SLFN13: variants seen among roughly 807,000 people sequenced by gnomAD.
SLFN13 encodes the protein schlafen family member 13.
SLFN13 carries 43 observed loss-of-function variants against 50.6 expected under a neutral mutation model. That is an observed-to-expected ratio of 0.85 (90% CI 0.67 to 1.09). The LOEUF is 1.09. Ranked by LOEUF, SLFN13 falls within the 50% of genes least tolerant of loss-of-function variation. The pLI, the probability that SLFN13 is intolerant of heterozygous loss-of-function variation, is 0.00. For missense variants in SLFN13, 881 were observed against 1,071.1 expected (o/e 0.82, Z 2.48); for synonymous variants, 339 against 386.5 (o/e 0.88, Z 1.44).
intron 4 of SLFN13, among the ~76,000 whole-genome samples, chr17:35,443,274 G>C (rs1913018815): frequency 1.3e-5 from 2 of 152,114 alleles, no homozygotes. Context: ...GCATTAGCGA[G>C]TCGTTCCCTC....
rs775788050 is a variant in SLFN13 at position 35,438,906 on chromosome 17, G to A, written c.*1689C>T. 6.6e-6 allele frequency: 1 copy of A among 152,106 alleles called. No individual in the cohort carries two copies. Among genetic ancestry groups the A allele is most frequent in the African/African-American group, 2.4e-5 (1 of 41,426 alleles). 9.4% of individuals were successfully genotyped at this position (152,106 alleles called of 1,614,324 possible). On this transcript the variant is annotated 3_prime_UTR_variant, in exon 6 of 6. Coordinates refer to ENST00000285013, the MANE Select transcript of SLFN13 (RefSeq NM_144682.6). The stretch of plus-strand genomic sequence containing the variant: ...TAAGTAATTGCATTAGCATTGTTAA[G>A]TATCAGTGTTTTTAGTTTGATGAAT...
At chr17:35,447,577 C>A (rs1159535050) in intron 1 of SLFN13, among the ~76,000 whole-genome samples, 163 bp from the exon 2 acceptor site, 1 of 152,166 alleles carries the variant, frequency 6.6e-6, no homozygotes, top group Non-Finnish European at 1.5e-5. Flanking sequence ...CACAGGTATA[C>A]TGTAGGTAAA....
intron 4 of SLFN13, among the ~76,000 whole-genome samples, chr17:35,442,864 G>A (rs11652532): frequency 0.21 from 32,691 of 152,116 alleles, 4,139 homozygotes; most frequent in East Asian, 0.41. Context: ...GCCTGAGAAA[G>A]TGAAAGCCAT....
chr17:35,441,354 G>C lies in SLFN13; in HGVS notation c.1935C>G (p.Ile645Met). 6.2e-7 allele frequency: 1 copy of C among 1,602,834 alleles called. No individual in the cohort carries two copies. The highest frequency in any genetic ancestry group is 8.5e-7 in the Non-Finnish European group (1 of 1,176,420). The change falls in exon 6 of 6, where the codon ATC becomes ATG. Residue 645 changes from isoleucine to methionine, a missense_variant. Ile to Met is a conservative substitution (Grantham distance 10). Around this residue, in one of 5 missense-constraint regions of SLFN13, gnomAD observed 322 missense variants for 327.4 expected, o/e 0.98. Transcript: ENST00000285013. ...AAGTTTCCCGGGTCTCTGCTCGGCA[G>C]ATATTTCTATCACTGTAAAAATTAA... is the stretch of plus-strand genomic sequence containing the variant. The part of the protein sequence containing the change: ...PLRNFISDRN[I>M]CRAETRETFL...
Position 35,440,913 on chromosome 17 carries a change from C to T in SLFN13, c.2376G>A (p.Val792=). The T allele has an allele frequency of 6.2e-7, 1 of 1,614,026 alleles. No homozygotes were observed. Among genetic ancestry groups the T allele is most frequent in the Non-Finnish European group, 8.5e-7 (1 of 1,180,018 alleles). The change falls in exon 6 of 6, where the codon GTG becomes GTA. Residue 792 remains valine (V), a synonymous_variant. Transcript: ENST00000285013. ...NFTLEQIVTY[V]ADTCRCFFER... Reference sequence around the variant, plus strand: ...CAAAGAAGCACCTGCAGGTGTCTGCCACATAGGTCACTATTTGCTCCAAAG... The same window carrying T: ...CAAAGAAGCACCTGCAGGTGTCTGCTACATAGGTCACTATTTGCTCCAAAG...
chr17:35,440,464 C>T lies in SLFN13; in HGVS notation c.*131G>A. The T allele has an allele frequency of 8.7e-7, 1 of 1,154,120 alleles. No homozygotes were observed. The highest frequency in any genetic ancestry group is 1.2e-6 in the Non-Finnish European group (1 of 815,372). The allele number at this position is 1,154,120 out of a possible 1,614,324, so 71.5% of individuals were successfully genotyped here. A position where few individuals can be genotyped will look rare whatever the true frequency, so the allele number is the denominator to read the frequency against. On this transcript the variant is annotated 3_prime_UTR_variant, in exon 6 of 6. Coordinates refer to ENST00000285013, the MANE Select transcript of SLFN13 (RefSeq NM_144682.6). The stretch of plus-strand genomic sequence containing the variant: ...GAGCCAGAAATGGGGGAGCTCCAAA[C>T]TCTTTGTGTCAGCTCTGTCCAAATC...
chr17:35,441,659 G>A lies in SLFN13; in HGVS notation c.1826C>T (p.Ala609Val), dbSNP rs771410431. 6.2e-7 allele frequency: 1 copy of A among 1,605,848 alleles called. No homozygotes were observed. Among genetic ancestry groups the A allele is most frequent in the East Asian group, 2.2e-5 (1 of 44,794 alleles). ...CCTGATCTTCTCCATGATCTTCATG[G>A]CCATGATGGTCTTCCCTGAGCCAGG... ...GLPGSGKTIM[A>V]MKIMEKIRNV... The change falls in exon 5 of 6, where the codon GCC becomes GTC. Residue 609 changes from alanine (A) to valine (V), a missense_variant. Physicochemically the swap from Ala to Val is moderately conservative, Grantham distance 64. This residue lies in a region of SLFN13 where 25 missense variants were observed against 64.4 expected (regional missense o/e 0.39). Coordinates refer to ENST00000285013, the MANE Select transcript of SLFN13 (RefSeq NM_144682.6).
Position 35,439,708 on chromosome 17 carries a change from C to T in SLFN13, c.*887G>A, listed in dbSNP as rs1380570492. ...GCCAGGCTGGTCTTGAACTCCTGAC[C>T]TCAGGTGATCCACCTGCCTCAGCCT... On this transcript the variant is annotated 3_prime_UTR_variant, in exon 6 of 6. Coordinates refer to ENST00000285013, the MANE Select transcript of SLFN13 (RefSeq NM_144682.6). 2.0e-5 allele frequency: 3 copies of T among 152,120 alleles called. No homozygotes were observed. The highest frequency in any genetic ancestry group is 7.2e-5 in the African/African-American group (3 of 41,410). The allele number at this position is 152,120 out of a possible 1,614,324, so 9.4% of individuals were successfully genotyped here. A position where few individuals can be genotyped will look rare whatever the true frequency, so the allele number is the denominator to read the frequency against.
In SLFN13 at chr17:35,438,979, T is replaced by C. The variant is rs1244989280; in HGVS notation, c.*1616A>G. 6.8e-6 allele frequency: 1 copy of C among 146,690 alleles called. No homozygotes were observed. Among genetic ancestry groups the C allele is most frequent in the Non-Finnish European group, 1.5e-5 (1 of 67,506 alleles). The allele number at this position is 146,690 out of a possible 1,614,324, so 9.1% of individuals were successfully genotyped here. On this transcript the variant is annotated 3_prime_UTR_variant, in exon 6 of 6. Coordinates refer to ENST00000285013, the MANE Select transcript of SLFN13 (RefSeq NM_144682.6). The stretch of plus-strand genomic sequence containing the variant: ...GCTGCAATAACAAAACACTAGAGAC[T>C]GGATGGCTGAACCAACAGAAATTTA...
chr17:35,441,521 C>G, intron 5 of SLFN13, 42 bp downstream of exon 5: 1 of 1,610,682 alleles, frequency 6.2e-7, no homozygotes, highest in Non-Finnish European at 8.5e-7. Context: ...AAATTAAACC[C>G]AGATTAAATA....
rs779769677 is a variant in SLFN13, at chr17:35,441,605, A to T, written c.1880T>A (p.Ile627Asn). The T allele has an allele frequency of 6.3e-7, 1 of 1,589,802 alleles. No individual in the cohort carries two copies. The highest frequency in any genetic ancestry group is 2.2e-5 in the East Asian group (1 of 44,820). ...AGGCTGGTTTTCACAAACGTAGAGA[A>T]TTCTGTGTGCCTCACAGTGAAACAC... The part of the protein sequence containing the change: ...RNVFHCEAHR[I>N]LYVCENQPLR... Residue 627 changes from isoleucine (I) to asparagine (N), a missense_variant, in exon 5 of 6, where the codon ATT becomes AAT. Transcript: ENST00000285013.
At position 35,439,476 on chromosome 17, in the gene SLFN13, T is replaced by TG. The variant is rs1223393578; in HGVS notation, c.*1118_*1119insC. The TG allele has an allele frequency of 2.4e-4, 23 of 97,790 alleles. No homozygotes were observed. Among genetic ancestry groups the TG allele is most frequent in the African/African-American group, 1.4e-3 (22 of 16,176 alleles). 6.1% of individuals were successfully genotyped at this position (97,790 alleles called of 1,614,324 possible). A position where few individuals can be genotyped will look rare whatever the true frequency, so the allele number is the denominator to read the frequency against. On this transcript the variant is annotated 3_prime_UTR_variant, in exon 6 of 6. Coordinates refer to ENST00000285013, the MANE Select transcript of SLFN13 (RefSeq NM_144682.6). ...ATGTAACAACATAAACTCACTGCAT[T>TG]TTTTTTCTTCTTCTTCTTTTTGAGA...
At chr17:35,447,034 T>C (rs537082008) in intron 2 of SLFN13, 4 of 152,350 alleles carry the variant, frequency 2.6e-5, no homozygotes, top group Non-Finnish European at 5.9e-5. Context: ...TGATAGTTTT[T>C]CATTGGTAAC....
chr17:35,449,076 A>AACAACAACAACAACAACAAC (rs58902173), upstream of SLFN13, among the ~76,000 whole-genome samples: 19 of 115,578 alleles, frequency 1.6e-4, no homozygotes, highest in African/African-American at 6.4e-4. Context: ...ACAACAACAA[A>AACAACAACAACAACAACAAC]ATTACTCAGG....
chr17:35,440,684 G>A lies in SLFN13; in HGVS notation c.2605C>T (p.His869Tyr), dbSNP rs868120300. 6.2e-7 allele frequency: 1 copy of A among 1,614,134 alleles called. No individual in the cohort carries two copies. Among genetic ancestry groups the A allele is most frequent in the East Asian group, 2.2e-5 (1 of 44,880 alleles). The change falls in exon 6 of 6, where the codon CAT becomes TAT. Residue 869 changes from histidine to tyrosine, a missense_variant. His to Tyr is a moderately conservative substitution (Grantham distance 83). Transcript: ENST00000285013. ...ATAGCTGGGTCAGCTGTCCTTGGAT[G>A]GATCCCAAACACTATGCTCCTTTCC... ...GLERSIVFGI[H>Y]PRTADPAILP... is the part of the protein sequence containing the mutation.
At position 35,442,184 on chromosome 17, in the gene SLFN13, A is replaced by G. The variant is rs1912948944; in HGVS notation, c.1301T>C (p.Phe434Ser). 1 of 1,614,044 alleles carries G rather than the reference A, an allele frequency of 6.2e-7. No homozygotes were observed. Among genetic ancestry groups the G allele is most frequent in the African/African-American group, 1.3e-5 (1 of 74,910 alleles). The change falls in exon 5 of 6, where the codon TTC (phenylalanine) becomes TCC (serine). Residue 434 changes from phenylalanine to serine, a missense_variant. Phe to Ser is a radical substitution (Grantham distance 155). Coordinates refer to ENST00000285013, the MANE Select transcript of SLFN13 (RefSeq NM_144682.6). ...AGAGAGGATCACAATTCCCTGGGAGAAAGGTCGCATTTGCTTGTGTATTAA... is the reference window on the plus strand; with the variant it reads ...AGAGAGGATCACAATTCCCTGGGAGGAAGGTCGCATTTGCTTGTGTATTAA... ...KELIHKQMRP[F>S]SQGIVILSRS...
At chr17:35,446,740 C>T (rs1481234228) in intron 2 of SLFN13, 2 of 152,194 alleles carry the variant, frequency 1.3e-5, no homozygotes, top group Non-Finnish European at 2.9e-5. Flanking sequence ...ACACCAAAAT[C>T]AGTCCTGAAG....
rs761349819 is a variant in SLFN13 at position 35,444,943 on chromosome 17, A to G, written c.738T>C (p.Phe246=). The change falls in exon 3 of 6, where the codon TTT becomes TTC. Residue 246 remains phenylalanine, a synonymous_variant. Coordinates refer to ENST00000285013, the MANE Select transcript of SLFN13 (RefSeq NM_144682.6). ...AFANTEGGYL[F]IGVDDKSRKV... ...TCCTACTCTTATCATCCACTCCAAT[A>G]AAAAGATAGCCTCCCTCAGTGTTTG... 1.9e-6 allele frequency: 3 copies of G among 1,614,192 alleles called. No individual in the cohort carries two copies. In the South Asian group the frequency reaches 3.3e-5, roughly 18 times the overall value.
At position 35,439,280 on chromosome 17, in the gene SLFN13, G is replaced by A. The variant is rs1266685658; in HGVS notation, c.*1315C>T. ...GCCCCAGCTCCACAGTGAAGGTTGG[G>A]GCTTCAACATGGGAATTTAGGGGTG... On this transcript the variant is annotated 3_prime_UTR_variant, in exon 6 of 6. Transcript: ENST00000285013. The A allele has an allele frequency of 6.6e-6, 1 of 151,934 alleles. No individual in the cohort carries two copies. The highest frequency in any genetic ancestry group is 6.6e-5 in the Admixed American group (1 of 15,244). The allele number at this position is 151,934 out of a possible 1,614,324, so 9.4% of individuals were successfully genotyped here.
Sources: gnomAD v4.1 joint callset for allele counts (sites outside exome capture counted in the v4.1 genomes callset) on GRCh38, gnomAD v4.1.1 for gene constraint, gnomAD v4.1.1 regional missense constraint, MANE v1.5 for transcripts, NCBI Gene and HGNC (gene_info 2026-07-23, HGNC 2026-07-21) for gene names.